The following FER1L6 variants were observed in gnomAD, a reference collection of about 807,000 sequenced individuals.
The protein encoded by FER1L6 is fer-1 like family member 6.
A neutral mutation model predicts 219.2 loss-of-function variants in FER1L6; 177 were observed. The observed-to-expected ratio is 0.81, with a 90% CI of 0.71 to 0.91. The LOEUF (loss-of-function observed/expected upper bound fraction) is 0.91. FER1L6 is among the 40% of genes least tolerant of loss of function. FER1L6 has a pLI of 0.00. For missense variants in FER1L6, 2,153 were observed against 2,259.9 expected (o/e 0.95, Z 0.96); for synonymous variants, 768 against 824.3 (o/e 0.93, Z 1.17).
intron 1 of FER1L6, among the ~76,000 whole-genome samples, chr8:123,892,989 G>A (rs1812676210): frequency 6.6e-6 from 1 of 151,990 alleles, no homozygotes; most frequent in South Asian, 2.1e-4. Flanking sequence ...AGGATTGTGT[G>A]AGAGTCCTAA....
At chr8:123,926,787 G>A (rs1040892875) in intron 1 of FER1L6, among the ~76,000 whole-genome samples, 2 of 151,974 alleles carry the variant, frequency 1.3e-5, no homozygotes, top group Non-Finnish European at 2.9e-5. Context: ...GCTATTTATT[G>A]TCTAAGTAAT....
chr8:124,039,987 C>A lies in FER1L6; in HGVS notation c.2570C>A (p.Ser857Tyr). 6.2e-7 allele frequency: 1 copy of A among 1,614,120 alleles called. No homozygotes were observed. Among genetic ancestry groups the A allele is most frequent in the Non-Finnish European group, 8.5e-7 (1 of 1,179,992 alleles). Residue 857 changes from serine (S) to tyrosine (Y), a missense_variant, in exon 20 of 41, where the codon TCT (serine) becomes TAT (tyrosine). By Grantham distance (144) the Ser-to-Tyr change is moderately radical. Transcript: ENST00000522917. Reference protein sequence around the residue: ...SDPFAKVTFLSHCQTTKIISQ... With the variant: ...SDPFAKVTFLYHCQTTKIISQ... ...CCTTTTGCCAAAGTCACGTTCCTTT[C>A]TCACTGCCAGACAACAAAGGTAACC...
At position 123,852,983 on chromosome 8, in the gene FER1L6, G is replaced by A. The variant is rs1056626691; in HGVS notation, c.-8+798G>A. Among the ~76,000 whole-genome samples, 11 of 152,080 alleles carry A rather than the reference G, an allele frequency of 7.2e-5. No homozygotes were observed. The highest frequency in any genetic ancestry group is 1.9e-4 in the African/African-American group (8 of 41,412). ...TATTAGATATAGATGTATTCTATGTGTCTATTTAGCTACCTATCAGATCAA... is the reference window on the plus strand; with the variant it reads ...TATTAGATATAGATGTATTCTATGTATCTATTTAGCTACCTATCAGATCAA... On this transcript the variant is annotated intron_variant, in intron 1 of 40. Coordinates refer to ENST00000522917, the MANE Select transcript of FER1L6 (RefSeq NM_001039112.2). The surrounding 1 kb of genome is among the most constrained non-coding windows in gnomAD (Gnocchi z 4.9).
At chr8:123,918,804 G>A (rs1317544406) in intron 1 of FER1L6, among the ~76,000 whole-genome samples, 1 of 152,170 alleles carries the variant, frequency 6.6e-6, no homozygotes, top group Non-Finnish European at 1.5e-5. Flanking sequence ...CATCAGATAG[G>A]GGATTTCTGG....
chr8:123,914,613 G>A (rs1813131368), intron 1 of FER1L6, among the ~76,000 whole-genome samples: 1 of 152,214 alleles, frequency 6.6e-6, no homozygotes, highest in Non-Finnish European at 1.5e-5. Flanking sequence ...GATAAAGGCA[G>A]ACATCAGGAT....
chr8:123,990,344 A>G (rs1816795279), intron 12 of FER1L6, among the ~76,000 whole-genome samples: 1 of 152,206 alleles, frequency 6.6e-6, no homozygotes, highest in Non-Finnish European at 1.5e-5. Context: ...TCCCACCAGC[A>G]GTCTGTAAGC....
At chr8:123,882,986 G>A (rs184831340) in intron 1 of FER1L6, among the ~76,000 whole-genome samples, 54 of 152,242 alleles carry the variant, frequency 3.5e-4, no homozygotes, top group Admixed American at 1.3e-3. Context: ...GTGGGGGTTG[G>A]GGGTGTGTAG....
At chr8:123,952,338 C>T (rs769599178) in intron 1 of FER1L6, among the ~76,000 whole-genome samples, 1 of 152,236 alleles carries the variant, frequency 6.6e-6, no homozygotes, top group East Asian at 1.9e-4. Flanking sequence ...CAGTGCGGGC[C>T]TTGTGGTTAA....
At chr8:124,020,183 C>T (rs1037090034) in intron 16 of FER1L6, among the ~76,000 whole-genome samples, 8 of 152,102 alleles carry the variant, frequency 5.3e-5, no homozygotes, top group South Asian at 2.1e-4. Context: ...CCATGTAAGA[C>T]GTGACTTGCT....
Position 123,852,995 on chromosome 8 carries a change from A to G in FER1L6, c.-8+810A>G, listed in dbSNP as rs1236974777. ...ATGTATTCTATGTGTCTATTTAGCTACCTATCAGATCAATTTTATTCTTAT... is the reference window on the plus strand; with the variant it reads ...ATGTATTCTATGTGTCTATTTAGCTGCCTATCAGATCAATTTTATTCTTAT... On this transcript the variant is annotated intron_variant, in intron 1 of 40. Coordinates refer to ENST00000522917, the MANE Select transcript of FER1L6 (RefSeq NM_001039112.2). This position sits in a 1 kb window ranked among gnomAD's most constrained non-coding sequence, Gnocchi z 4.9. Among the ~76,000 whole-genome samples the G allele has an allele frequency of 6.6e-6, 1 of 152,088 alleles. No homozygotes were observed. The highest frequency in any genetic ancestry group is 1.5e-5 in the Non-Finnish European group (1 of 68,002).
At chr8:123,902,287 G>T (rs1812873750) in intron 1 of FER1L6, among the ~76,000 whole-genome samples, 2 of 152,126 alleles carry the variant, frequency 1.3e-5, no homozygotes, top group African/African-American at 4.8e-5. Flanking sequence ...TTCTGGGGTT[G>T]TTAGATGAAA....
At chr8:124,114,425 A>G (rs961288137) in intron 39 of FER1L6, among the ~76,000 whole-genome samples, 6 of 152,174 alleles carry the variant, frequency 3.9e-5, no homozygotes, top group African/African-American at 1.4e-4. Context: ...AAAATCACCC[A>G]GTAGCAAAGA....
At position 123,944,386 on chromosome 8, in the gene FER1L6, G is replaced by A. The variant is rs572833099; in HGVS notation, c.-7-11606G>A. Among the ~76,000 whole-genome samples, 5 of 151,388 alleles carry A rather than the reference G, an allele frequency of 3.3e-5. No homozygotes were observed. The East Asian group carries it at 5.8e-4, about 18-fold the overall frequency. On this transcript the variant is annotated intron_variant, in intron 1 of 40. Transcript: ENST00000522917. ...TATATTGGCTCAATCCCAGTGTGGT[G>A]TAGAAGGAGAAGCATTCAGTCAATA...
intron 5 of FER1L6, among the ~76,000 whole-genome samples, chr8:123,967,332 A>G (rs1051442988): frequency 1.3e-5 from 2 of 152,164 alleles, no homozygotes; most frequent in African/African-American, 2.4e-5. Context: ...TCTTCACAAA[A>G]CAATGTATCT....
intron 38 of FER1L6, among the ~76,000 whole-genome samples, chr8:124,101,648 CAG>C (rs761176288): frequency 4.6e-5 from 7 of 152,182 alleles, no homozygotes; most frequent in Non-Finnish European, 1.0e-4. Context: ...TTACATACTT[CAG>C]AGAGGGGCGG....
At chr8:124,083,627 A>T (rs1821671458) in intron 33 of FER1L6, among the ~76,000 whole-genome samples, 1 of 152,052 alleles carries the variant, frequency 6.6e-6, no homozygotes, top group Admixed American at 6.5e-5. Context: ...AAAAAGATTT[A>T]TGTGTCTGTT....
intron 1 of FER1L6, among the ~76,000 whole-genome samples, chr8:123,936,479 T>G (rs1038569701): frequency 2.7e-4 from 39 of 147,058 alleles, no homozygotes; most frequent in African/African-American, 7.7e-4. Context: ...TTTTTTTTTT[T>G]TTTTTTTGTA....
At chr8:123,934,182 C>T (rs1034392762) in intron 1 of FER1L6, among the ~76,000 whole-genome samples, 3 of 152,172 alleles carry the variant, frequency 2.0e-5, no homozygotes, top group South Asian at 2.1e-4. Context: ...GGCGCCACGT[C>T]GATCTCAGTT....
rs369590581 is a variant in FER1L6 at position 124,073,884 on chromosome 8, G to T, written c.4092+2253G>T. On this transcript the variant is annotated intron_variant, in intron 31 of 40. Coordinates refer to ENST00000522917, the MANE Select transcript of FER1L6 (RefSeq NM_001039112.2). ...GCTTTGTAAAGAATTAAAATTGGCT[G>T]ATGTGACAAGAAGAAATGGGAAGGA... 3.0e-4 allele frequency among the ~76,000 whole-genome samples: 45 copies of T among 152,312 alleles called. No individual in the cohort carries two copies. The South Asian group carries it at 8.9e-3, about 30-fold the overall frequency.
Sources: gnomAD v4.1 joint callset for allele counts (sites outside exome capture counted in the v4.1 genomes callset) on GRCh38, gnomAD v4.1.1 for gene constraint, Gnocchi (gnomAD v3.1) non-coding constraint, MANE v1.5 for transcripts, NCBI Gene and HGNC (gene_info 2026-07-23, HGNC 2026-07-21) for gene names.